The following NALF1 variants were observed in gnomAD, a reference collection of about 807,000 sequenced individuals.
The protein encoded by NALF1 is family with sequence similarity 155 member A.
NALF1 carries 3 observed loss-of-function variants against 48.4 expected under a neutral mutation model. That is an observed-to-expected ratio of 0.06 (90% CI 0.03 to 0.16). The LOEUF is 0.16. NALF1 is among the 10% of genes least tolerant of loss of function. The pLI, the probability that NALF1 is intolerant of heterozygous loss-of-function variation, is 1.00. For missense variants in NALF1, 526 were observed against 571.5 expected (o/e 0.92, Z 0.81); for synonymous variants, 262 against 245.7 (o/e 1.07, Z -0.62).
chr13:107,308,011 T>C (rs1881970763), intron 1 of NALF1, among the ~76,000 whole-genome samples: 1 of 152,074 alleles, frequency 6.6e-6, no homozygotes, highest in Non-Finnish European at 1.5e-5. Context: ...GCTGTCATGA[T>C]TATCTTCTAA....
At chr13:107,178,249 C>G (rs1050213268) in intron 2 of NALF1, among the ~76,000 whole-genome samples, 2 of 152,104 alleles carry the variant, frequency 1.3e-5, no homozygotes, top group Admixed American at 1.3e-4. Context: ...AGAAAATAAT[C>G]AACAAAACGA....
chr13:107,819,184 C>CAGAT (rs1566494684), intron 1 of NALF1, among the ~76,000 whole-genome samples: 1 of 151,594 alleles, frequency 6.6e-6, no homozygotes, highest in Non-Finnish European at 1.5e-5. Context: ...AAATATCTAC[C>CAGAT]AAATAAATAA....
chr13:107,438,849 A>AAAAAAAAC (rs1566342617), intron 1 of NALF1, among the ~76,000 whole-genome samples: 1 of 148,078 alleles, frequency 6.8e-6, no homozygotes, highest in African/African-American at 2.5e-5. Context: ...AAAAAAAAAA[A>AAAAAAAAC]AAGAATAATA....
At chr13:107,293,506 C>A (rs1881669380) in intron 1 of NALF1, among the ~76,000 whole-genome samples, 1 of 152,162 alleles carries the variant, frequency 6.6e-6, no homozygotes, top group Non-Finnish European at 1.5e-5. Context: ...TCCTTTCTCA[C>A]TAGGATTTGC....
chr13:107,407,672 A>T (rs1883923028), intron 1 of NALF1, among the ~76,000 whole-genome samples: 1 of 151,922 alleles, frequency 6.6e-6, no homozygotes, highest in African/African-American at 2.4e-5. Context: ...AATGGAACCT[A>T]CCTGGAGAAT....
chr13:107,755,529 C>T (rs1381166697), intron 1 of NALF1, among the ~76,000 whole-genome samples: 1 of 150,948 alleles, frequency 6.6e-6, no homozygotes, highest in South Asian at 2.1e-4. Flanking sequence ...CATTTTCATG[C>T]CAAAATTATT....
intron 2 of NALF1, among the ~76,000 whole-genome samples, chr13:107,197,868 G>A (rs527273925): frequency 7.2e-5 from 11 of 152,224 alleles, no homozygotes; most frequent in African/African-American, 2.4e-4. Flanking sequence ...AAATAATGAC[G>A]GAAATGAAGG....
chr13:107,227,333 T>A (rs983041539), intron 1 of NALF1, among the ~76,000 whole-genome samples: 2 of 152,228 alleles, frequency 1.3e-5, no homozygotes, highest in African/African-American at 4.8e-5. Flanking sequence ...AGTGTGCCTA[T>A]ATCTGCACTA....
chr13:107,486,987 T>C (rs1015002544), intron 1 of NALF1, among the ~76,000 whole-genome samples: 1 of 152,150 alleles, frequency 6.6e-6, no homozygotes, highest in African/African-American at 2.4e-5. Context: ...TAGCAACTTG[T>C]AAACAGAGAG....
At chr13:107,748,331 C>T (rs1480317410) in intron 1 of NALF1, among the ~76,000 whole-genome samples, 2 of 152,010 alleles carry the variant, frequency 1.3e-5, no homozygotes, top group Non-Finnish European at 2.9e-5. Flanking sequence ...TTTAATGTTC[C>T]TTATGAGCAA....
chr13:107,319,145 G>A (rs1882206035), intron 1 of NALF1, among the ~76,000 whole-genome samples: 1 of 152,076 alleles, frequency 6.6e-6, no homozygotes, highest in Non-Finnish European at 1.5e-5. Context: ...AATGTGCCAA[G>A]AGATAGGGCT....
At chr13:107,444,284 G>A (rs187218801) in intron 1 of NALF1, among the ~76,000 whole-genome samples, 171 of 152,262 alleles carry the variant, frequency 1.1e-3, no homozygotes, top group African/African-American at 3.9e-3. Context: ...AAAAAGCTAT[G>A]TAGAGCAGTC....
At chr13:107,643,449 G>T (rs1013326094) in intron 1 of NALF1, among the ~76,000 whole-genome samples, 1 of 151,094 alleles carries the variant, frequency 6.6e-6, no homozygotes. Context: ...TCAAAGATGT[G>T]TAAGTTACAG....
At chr13:107,705,896 G>A (rs1395935297) in intron 1 of NALF1, among the ~76,000 whole-genome samples, 2 of 151,846 alleles carry the variant, frequency 1.3e-5, no homozygotes, top group Non-Finnish European at 2.9e-5. Flanking sequence ...GCATAAGAGA[G>A]GAGTTAACTA....
chr13:107,591,616 C>T (rs1344274149), intron 1 of NALF1, among the ~76,000 whole-genome samples: 3 of 151,888 alleles, frequency 2.0e-5, no homozygotes, highest in Admixed American at 2.0e-4. Context: ...CAGCCCTTCC[C>T]ACTACTTTCA....
intron 1 of NALF1, among the ~76,000 whole-genome samples, chr13:107,566,466 T>C (rs1036276854): frequency 1.3e-5 from 2 of 152,158 alleles, no homozygotes; most frequent in African/African-American, 2.4e-5. Flanking sequence ...AAGCACCCAG[T>C]GCTGTCTAGG....
chr13:107,619,094 T>A (rs758212283), intron 1 of NALF1, among the ~76,000 whole-genome samples: 1 of 152,228 alleles, frequency 6.6e-6, no homozygotes, highest in Admixed American at 6.5e-5. Flanking sequence ...CACTGATTAC[T>A]GTGATGGAGG....
At chr13:107,495,722 G>A (rs569132115) in intron 1 of NALF1, among the ~76,000 whole-genome samples, 1 of 152,128 alleles carries the variant, frequency 6.6e-6, no homozygotes, top group Non-Finnish European at 1.5e-5. Context: ...TTGTAGACAA[G>A]ATGGTTATCA....
At chr13:107,255,996 A>T (rs1259594486) in intron 1 of NALF1, among the ~76,000 whole-genome samples, 3 of 152,170 alleles carry the variant, frequency 2.0e-5, no homozygotes, top group African/African-American at 7.2e-5. Context: ...ACATTATTTG[A>T]TAATATATGT....
Sources: allele counts gnomAD v4.1 joint callset (sites outside exome capture counted in the v4.1 genomes callset), GRCh38; gene constraint gnomAD v4.1.1; transcripts MANE v1.5; gene names NCBI Gene and HGNC (gene_info 2026-07-23, HGNC 2026-07-21).